Variants in DPYD observed in about 807,000 individuals in gnomAD.
DPYD encodes dihydropyrimidine dehydrogenase [NADP(+)].
Under a neutral mutation model 116.2 loss-of-function variants are expected in DPYD, and 109 were observed. The observed-to-expected ratio is 0.94, with a 90% CI of 0.80 to 1.10. The LOEUF is 1.10. DPYD is among the 50% of genes least tolerant of loss of function. The pLI, the probability that DPYD is intolerant of heterozygous loss-of-function variation, is 0.00. For missense variants in DPYD, 1,302 were observed against 1,254.5 expected, an observed-to-expected ratio of 1.04 and a Z score of -0.57; for synonymous variants, 440 against 432.0, an observed-to-expected ratio of 1.02 and a Z score of -0.23.
At chr1:97,609,811 T>C (rs1021898974) in intron 8 of DPYD, among the ~76,000 whole-genome samples, 6 of 152,050 alleles carry the variant, frequency 3.9e-5, no homozygotes, top group Admixed American at 3.9e-4. Context: ...ATAGCTATTT[T>C]ATTCATAAGA....
intron 20 of DPYD, among the ~76,000 whole-genome samples, chr1:97,111,596 A>G (rs533080543): frequency 1.3e-5 from 2 of 152,120 alleles, no homozygotes; most frequent in African/African-American, 2.4e-5. Context: ...GGACCACCCA[A>G]TCTAGAGTAG....
intron 8 of DPYD, among the ~76,000 whole-genome samples, chr1:97,595,555 A>G (rs1223920009): frequency 6.6e-6 from 1 of 151,946 alleles, no homozygotes; most frequent in African/African-American, 2.4e-5. Context: ...GTACATATTT[A>G]TCTAATTCCT....
At chr1:97,356,315 A>G (rs758477022) in intron 16 of DPYD, among the ~76,000 whole-genome samples, 1 of 152,138 alleles carries the variant, frequency 6.6e-6, no homozygotes, top group Admixed American at 6.6e-5. Context: ...GTCTCCTTAT[A>G]TATATTTGAT....
At chr1:97,911,223 C>A (rs1673916269) in intron 1 of DPYD, among the ~76,000 whole-genome samples, 1 of 151,916 alleles carries the variant, frequency 6.6e-6, no homozygotes, top group African/African-American at 2.4e-5. Flanking sequence ...ATTGATGATT[C>A]CCTTCTAGGA....
At chr1:97,749,767 T>C (rs746113944) in intron 3 of DPYD, among the ~76,000 whole-genome samples, 5 of 152,098 alleles carry the variant, frequency 3.3e-5, no homozygotes, top group Non-Finnish European at 5.9e-5. Context: ...CAAGATATTG[T>C]TCCCTGCTCA....
intron 13 of DPYD, among the ~76,000 whole-genome samples, chr1:97,477,915 C>G (rs1251257891): frequency 2.0e-5 from 3 of 152,160 alleles, no homozygotes; most frequent in Admixed American, 6.5e-5. Context: ...TTAATGAAAC[C>G]TAGAATGGTA....
chr1:97,893,429 C>CGCATATATATAT (rs71590235), intron 1 of DPYD, among the ~76,000 whole-genome samples: 2 of 71,906 alleles, frequency 2.8e-5, no homozygotes, highest in Non-Finnish European at 5.2e-5. Context: ...ATATCCATCG[C>CGCATATATATAT]ATATATATAT....
At chr1:97,803,447 T>C (rs539083566) in intron 3 of DPYD, among the ~76,000 whole-genome samples, 2 of 151,974 alleles carry the variant, frequency 1.3e-5, no homozygotes, top group Non-Finnish European at 1.5e-5. Flanking sequence ...GAGACATTAA[T>C]CAAAAAGGTG....
At chr1:97,316,820 A>T (rs2049110) in intron 16 of DPYD, among the ~76,000 whole-genome samples, 148,000 of 151,986 alleles carry the variant, frequency 0.97, 72,187 homozygotes, top group East Asian at 1. Flanking sequence ...CTTGCACCCA[A>T]AATTGATCCA....
At chr1:97,865,893 A>AT (rs1671352617) in intron 2 of DPYD, among the ~76,000 whole-genome samples, 2 of 151,934 alleles carry the variant, frequency 1.3e-5, no homozygotes, top group Admixed American at 6.6e-5. Flanking sequence ...TACAACTTCT[A>AT]TTTTTTCATT....
intron 18 of DPYD, among the ~76,000 whole-genome samples, chr1:97,300,834 G>A (rs1425093365): frequency 6.6e-6 from 1 of 151,974 alleles, no homozygotes; most frequent in Non-Finnish European, 1.5e-5. Context: ...ATGTGAAGTC[G>A]ATGCCTAAAA....
intron 1 of DPYD, among the ~76,000 whole-genome samples, chr1:97,907,837 G>C (rs1327529320): frequency 1.3e-5 from 2 of 151,606 alleles, no homozygotes; most frequent in Non-Finnish European, 2.9e-5. Context: ...CACAAACTTA[G>C]TGGCTTAAAA....
intron 21 of DPYD, among the ~76,000 whole-genome samples, chr1:97,096,684 T>C (rs1198596177): frequency 1.3e-5 from 2 of 151,394 alleles, no homozygotes; most frequent in Non-Finnish European, 2.9e-5. Context: ...ATCAGCAGGG[T>C]CCTAAAAGTA....
At chr1:97,899,381 G>A (rs1359051834) in intron 1 of DPYD, among the ~76,000 whole-genome samples, 4 of 151,916 alleles carry the variant, frequency 2.6e-5, no homozygotes, top group African/African-American at 9.7e-5. Context: ...TCCATTGGGA[G>A]AGGACAACTG....
intron 5 of DPYD, among the ~76,000 whole-genome samples, chr1:97,702,691 A>C (rs763282406): frequency 2.0e-5 from 3 of 151,968 alleles, no homozygotes; most frequent in African/African-American, 4.8e-5. Context: ...ATAAGCAAGA[A>C]ATAGGTTAGT....
chr1:97,561,915 C>G, intron 11 of DPYD, among the ~76,000 whole-genome samples: 1 of 152,188 alleles, frequency 6.6e-6, no homozygotes, highest in Non-Finnish European at 1.5e-5. Context: ...TGCAAGTCAT[C>G]TCTCTACCCT....
chr1:97,754,862 C>CT (rs1451933769), intron 3 of DPYD, among the ~76,000 whole-genome samples: 1 of 152,202 alleles, frequency 6.6e-6, no homozygotes, highest in Non-Finnish European at 1.5e-5. Context: ...ATTCCTCTAT[C>CT]TTCAAAGCCT....
At chr1:97,272,673 T>C (rs1404670556) in intron 18 of DPYD, among the ~76,000 whole-genome samples, 1 of 152,164 alleles carries the variant, frequency 6.6e-6, no homozygotes, top group African/African-American at 2.4e-5. Context: ...AAAAGGTTAA[T>C]CTTTAAGTAG....
At chr1:97,563,375 A>G (rs977073865) in intron 11 of DPYD, among the ~76,000 whole-genome samples, 1 of 152,238 alleles carries the variant, frequency 6.6e-6, no homozygotes, top group African/African-American at 2.4e-5. Flanking sequence ...TATCTATTAC[A>G]TTAAATACAT....
Sources: allele counts gnomAD v4.1 joint callset (sites outside exome capture counted in the v4.1 genomes callset), GRCh38; gene constraint gnomAD v4.1.1; transcripts MANE v1.5; gene names NCBI Gene and HGNC (gene_info 2026-07-23, HGNC 2026-07-21).